PDE4D: variants seen among roughly 807,000 people sequenced by gnomAD.
PDE4D encodes the protein phosphodiesterase 4D.
A neutral mutation model predicts 87.4 loss-of-function variants in PDE4D; 24 were observed. The ratio of observed to expected loss-of-function variants is 0.27; its 90% CI spans 0.20 to 0.39. PDE4D has a LOEUF of 0.39. Ranked by LOEUF, PDE4D falls within the 10% of genes least tolerant of loss-of-function variation. The probability of loss-of-function intolerance (pLI) is 1.00; values close to 1 mark genes in which losing one functional copy is unlikely to be tolerated. For missense variants in PDE4D, 714 were observed against 1,041.0 expected (o/e 0.69, Z 4.32); for synonymous variants, 384 against 383.2 (o/e 1.00, Z -0.02).
intron 5 of PDE4D, among the ~76,000 whole-genome samples, chr5:59,091,723 T>A (rs947375734): frequency 6.6e-6 from 1 of 152,130 alleles, no homozygotes; most frequent in Non-Finnish European, 1.5e-5. Context: ...TGAGGGGTGA[T>A]CATAGTAGGT....
intron 2 of PDE4D, among the ~76,000 whole-genome samples, chr5:60,152,609 C>T (rs565652042): frequency 1.4e-3 from 202 of 149,222 alleles, no homozygotes; most frequent in African/African-American, 4.7e-3. Context: ...GCCGAGATTG[C>T]ACCACTGCAC....
chr5:60,398,676 G>A (rs1763061234), intron 1 of PDE4D, among the ~76,000 whole-genome samples: 1 of 152,064 alleles, frequency 6.6e-6, no homozygotes, highest in African/African-American at 2.4e-5. Context: ...TACTTTAAGA[G>A]AACCAACTTC....
chr5:59,287,263 C>T (rs1361983990), intron 1 of PDE4D, among the ~76,000 whole-genome samples: 3 of 152,134 alleles, frequency 2.0e-5, no homozygotes, highest in African/African-American at 7.2e-5. Flanking sequence ...TGAACATCAG[C>T]AGTAGCCAGA....
At chr5:60,119,365 G>A (rs1778457127) in intron 2 of PDE4D, among the ~76,000 whole-genome samples, 1 of 152,182 alleles carries the variant, frequency 6.6e-6, no homozygotes, top group Non-Finnish European at 1.5e-5. Flanking sequence ...AACCAAATAT[G>A]AGCCTTCTGA....
intron 3 of PDE4D, among the ~76,000 whole-genome samples, chr5:59,921,923 A>G (rs1223821171): frequency 1.3e-5 from 2 of 152,218 alleles, no homozygotes; most frequent in Non-Finnish European, 2.9e-5. Flanking sequence ...TTTAAGCTAT[A>G]TATCAGTGAA....
At chr5:59,036,462 A>G (rs1758515133) in intron 6 of PDE4D, among the ~76,000 whole-genome samples, 1 of 152,216 alleles carries the variant, frequency 6.6e-6, no homozygotes, top group African/African-American at 2.4e-5. Flanking sequence ...CAAATAACTG[A>G]GTGGAGATGA....
chr5:60,276,630 T>C (rs1344163021), intron 1 of PDE4D, among the ~76,000 whole-genome samples: 1 of 152,210 alleles, frequency 6.6e-6, no homozygotes, highest in African/African-American at 2.4e-5. Flanking sequence ...TACATCACTT[T>C]CTTTTTTCTT....
At chr5:60,105,241 C>A (rs1167657641) in intron 2 of PDE4D, among the ~76,000 whole-genome samples, 1 of 152,022 alleles carries the variant, frequency 6.6e-6, no homozygotes, top group Non-Finnish European at 1.5e-5. Flanking sequence ...CCAATGCGAT[C>A]AACTGGAAGA....
intron 1 of PDE4D, among the ~76,000 whole-genome samples, chr5:59,651,510 G>T (rs1328928675): frequency 2.6e-5 from 4 of 151,658 alleles, no homozygotes; most frequent in Admixed American, 1.3e-4. Flanking sequence ...AGAATGCTAG[G>T]CTTACATAGA....
intron 1 of PDE4D, among the ~76,000 whole-genome samples, chr5:60,461,250 T>G (rs1000039269): frequency 6.6e-6 from 1 of 152,082 alleles, no homozygotes; most frequent in Admixed American, 6.6e-5. Context: ...AAATACACAG[T>G]TGGGGGGAAT....
chr5:60,059,732 C>T (rs748029507), intron 2 of PDE4D, among the ~76,000 whole-genome samples: 6 of 151,998 alleles, frequency 3.9e-5, no homozygotes, highest in Admixed American at 1.3e-4. Context: ...GAAATAGCCA[C>T]TATCCAACCC....
intron 5 of PDE4D, among the ~76,000 whole-genome samples, chr5:59,121,881 T>C (rs1050304205): frequency 1.3e-5 from 2 of 152,134 alleles, no homozygotes; most frequent in Non-Finnish European, 2.9e-5. Flanking sequence ...CAGTGGCTTA[T>C]GCCTGCAATC....
intron 6 of PDE4D, among the ~76,000 whole-genome samples, chr5:59,019,512 G>C (rs1055046366): frequency 6.6e-6 from 1 of 152,044 alleles, no homozygotes; most frequent in African/African-American, 2.4e-5. Context: ...ACCTGCCACT[G>C]GTCCTATAAT....
chr5:59,350,343 C>T (rs1304751617), intron 1 of PDE4D, among the ~76,000 whole-genome samples: 1 of 152,088 alleles, frequency 6.6e-6, no homozygotes, highest in East Asian at 1.9e-4. Flanking sequence ...CAAAGATTTT[C>T]ACAGAAGCAC....
intron 1 of PDE4D, among the ~76,000 whole-genome samples, chr5:59,383,234 A>C (rs1349700922): frequency 6.6e-6 from 1 of 152,102 alleles, no homozygotes; most frequent in Non-Finnish European, 1.5e-5. Flanking sequence ...ATATATTCAC[A>C]TGATGCCCCC....
At chr5:60,303,235 A>G (rs1312344828) in intron 1 of PDE4D, among the ~76,000 whole-genome samples, 2 of 150,196 alleles carry the variant, frequency 1.3e-5, no homozygotes, top group African/African-American at 4.9e-5. Flanking sequence ...CCTTAATTTC[A>G]TTATTTACCC....
chr5:59,766,011 G>C (rs1419674640), intron 1 of PDE4D, among the ~76,000 whole-genome samples: 1 of 152,174 alleles, frequency 6.6e-6, no homozygotes, highest in Admixed American at 6.5e-5. Flanking sequence ...ACCAGGAGCA[G>C]GAAACTGTGA....
intron 1 of PDE4D, among the ~76,000 whole-genome samples, chr5:59,687,272 AT>A (rs1186902501): frequency 6.6e-6 from 1 of 152,148 alleles, no homozygotes; most frequent in Non-Finnish European, 1.5e-5. Flanking sequence ...AAGACACATA[AT>A]TTTCAGATTC....
chr5:59,114,460 T>C (rs776733598), intron 5 of PDE4D, among the ~76,000 whole-genome samples: 36 of 152,158 alleles, frequency 2.4e-4, no homozygotes, highest in Non-Finnish European at 4.4e-5. Context: ...TATAAACCCA[T>C]GGGATACTCA....
Sources: allele counts gnomAD v4.1 joint callset (sites outside exome capture counted in the v4.1 genomes callset), GRCh38; gene constraint gnomAD v4.1.1; transcripts MANE v1.5; gene names NCBI Gene and HGNC (gene_info 2026-07-23, HGNC 2026-07-21).